CGGBP1: variants seen among roughly 807,000 people sequenced by gnomAD.
The protein encoded by CGGBP1 is CGG triplet repeat binding protein 1.
In CGGBP1, 4 loss-of-function variants were observed where a neutral mutation model predicts 11.4. That is an observed-to-expected ratio of 0.35 (90% confidence interval 0.17 to 0.80). The LOEUF is 0.80. Ranked by LOEUF, CGGBP1 falls within the 30% of genes least tolerant of loss-of-function variation. CGGBP1 has a pLI of 0.52. For missense variants in CGGBP1, 135 were observed against 202.1 expected (o/e 0.67, Z 2.01); for synonymous variants, 76 against 74.1 (o/e 1.03, Z -0.13).
intron 2 of CGGBP1, among the ~76,000 whole-genome samples, chr3:88,076,562 A>G (rs1707813544): frequency 6.6e-6 from 1 of 151,932 alleles, no homozygotes; most frequent in Non-Finnish European, 1.5e-5. Context: ...TTGTGAGTGC[A>G]TCATCTGTTT....
chr3:88,077,425 C>T (rs909912927), intron 2 of CGGBP1, among the ~76,000 whole-genome samples: 2 of 151,790 alleles, frequency 1.3e-5, no homozygotes, highest in African/African-American at 4.8e-5. Flanking sequence ...GCTCCGCCGC[C>T]GGGTTCACTC....
chr3:88,109,893 T>C (rs1199996202), intron 2 of CGGBP1, among the ~76,000 whole-genome samples: 1 of 152,162 alleles, frequency 6.6e-6, no homozygotes, highest in Non-Finnish European at 1.5e-5. Flanking sequence ...GATACAATAA[T>C]ACATTTTTGG....
chr3:88,102,614 A>G (rs934387011), intron 2 of CGGBP1, among the ~76,000 whole-genome samples: 6 of 152,178 alleles, frequency 3.9e-5, no homozygotes, highest in African/African-American at 1.4e-4. Context: ...GTATCTGGCA[A>G]TTCAGCCTCT....
chr3:88,147,187 G>C (rs1707327693), intron 1 of CGGBP1, among the ~76,000 whole-genome samples: 1 of 152,134 alleles, frequency 6.6e-6, no homozygotes, highest in African/African-American at 2.4e-5. Context: ...ATTCTACTGG[G>C]GGACAACAAA....
chr3:88,059,652 T>G, upstream of CGGBP1: 34 of 716,250 alleles, frequency 4.7e-5, no homozygotes, highest in East Asian at 1.7e-4. Flanking sequence ...CTCCTCCACT[T>G]ATCCGGCTTG....
chr3:88,092,981 A>G (rs1488477814), intron 2 of CGGBP1, among the ~76,000 whole-genome samples: 1 of 152,208 alleles, frequency 6.6e-6, no homozygotes, highest in Non-Finnish European at 1.5e-5. Context: ...TTACAGAAAT[A>G]AAAAGTCATG....
chr3:88,067,822 G>C (rs933677953), intron 2 of CGGBP1, among the ~76,000 whole-genome samples: 1 of 152,076 alleles, frequency 6.6e-6, no homozygotes, highest in African/African-American at 2.4e-5. Context: ...ACCTATAAAG[G>C]AGAAGGAAAG....
chr3:88,136,678 G>C (rs1706805191), intron 2 of CGGBP1, among the ~76,000 whole-genome samples: 1 of 152,178 alleles, frequency 6.6e-6, no homozygotes, highest in Non-Finnish European at 1.5e-5. Context: ...TGGGGGATGA[G>C]ACTAATGGCA....
chr3:88,117,736 A>G (rs1705497136), intron 2 of CGGBP1, among the ~76,000 whole-genome samples: 1 of 152,200 alleles, frequency 6.6e-6, no homozygotes, highest in South Asian at 2.1e-4. Flanking sequence ...ATCTCAGATT[A>G]TGGTATTGAT....
chr3:88,123,929 T>C (rs1422663153), intron 2 of CGGBP1, among the ~76,000 whole-genome samples: 1 of 152,198 alleles, frequency 6.6e-6, no homozygotes, highest in Admixed American at 6.5e-5. Context: ...GAGGTTTCAG[T>C]TGATCATTGT....
At chr3:88,059,085 AT>A (rs1706676599), upstream of CGGBP1, 7 of 785,250 alleles carry the variant, frequency 8.9e-6, no homozygotes, top group Non-Finnish European at 1.4e-5. Flanking sequence ...CAGACTGTCG[AT>A]TTCACCAATA....
At position 88,082,328 on chromosome 3, in the gene CGGBP1, T is replaced by C. The variant is rs572519296; in HGVS notation, c.-228-24105A>G. On this transcript the variant is annotated intron_variant, in intron 2 of 3. Transcript: ENST00000462901. ...TTTTAGTAGTGACAGGGTTTCACCA[T>C]GTTGGCTAGGATGGTCTCGATCTCT... Among the ~76,000 whole-genome samples, 7 of 152,306 alleles carry C rather than the reference T, an allele frequency of 4.6e-5. No homozygotes were observed. The South Asian group carries it at 1.2e-3, about 27-fold the overall frequency.
upstream of CGGBP1, chr3:88,059,281 C>A: frequency 1.3e-6 from 2 of 1,532,222 alleles, no homozygotes; most frequent in East Asian, 2.4e-5. Flanking sequence ...GCGGCGGCGG[C>A]GGCGCAGGGG....
At position 88,110,372 on chromosome 3, in the gene CGGBP1, G is replaced by A. The variant is rs190518146; in HGVS notation, c.-229+30598C>T. 2.6e-5 allele frequency among the ~76,000 whole-genome samples: 4 copies of A among 152,194 alleles called. No homozygotes were observed. The East Asian group carries it at 5.8e-4, about 22-fold the overall frequency. On this transcript the variant is annotated intron_variant, in intron 2 of 3. Coordinates refer to the CGGBP1 transcript ENST00000462901. ...CTGGTCAACTCTACCACTGTGGTAT[G>A]AAAGCAGCTGTAGTCAATATGTAAA...
At chr3:88,132,238 A>G (rs905631794) in intron 2 of CGGBP1, among the ~76,000 whole-genome samples, 2 of 150,848 alleles carry the variant, frequency 1.3e-5, no homozygotes, top group African/African-American at 4.9e-5. Context: ...GTCAAGTTTG[A>G]AAAAAAAAAT....
At chr3:88,070,562 T>C (rs1327179691) in intron 2 of CGGBP1, among the ~76,000 whole-genome samples, 2 of 60,704 alleles carry the variant, frequency 3.3e-5, no homozygotes, top group African/African-American at 6.0e-5. Context: ...CAACACTGCC[T>C]GTTTTTTTTT....
At chr3:88,117,968 C>T (rs919861128) in intron 2 of CGGBP1, among the ~76,000 whole-genome samples, 24 of 150,378 alleles carry the variant, frequency 1.6e-4, no homozygotes, top group African/African-American at 5.4e-4. Flanking sequence ...CAACCAAGAA[C>T]ATTTACTACT....
intron 2 of CGGBP1, chr3:88,095,526 G>T: frequency 2.0e-6 from 1 of 487,990 alleles, no homozygotes; most frequent in South Asian, 1.5e-5. Context: ...AGCTTCTTTT[G>T]CAAGAACCAG....
At chr3:88,124,976 G>GCAAA (rs1706003291) in intron 2 of CGGBP1, among the ~76,000 whole-genome samples, 2 of 152,078 alleles carry the variant, frequency 1.3e-5, no homozygotes, top group Admixed American at 6.6e-5. Flanking sequence ...AGCACTTTGG[G>GCAAA]AGGCCGAGGC....
Sources: gnomAD v4.1 joint callset for allele counts (sites outside exome capture counted in the v4.1 genomes callset) on GRCh38, gnomAD v4.1.1 for gene constraint, MANE v1.5 for transcripts, NCBI Gene and HGNC (gene_info 2026-07-23, HGNC 2026-07-21) for gene names.